Variants in MMS19 observed in about 807,000 individuals in gnomAD.
MMS19 encodes MMS19 nucleotide excision repair protein homolog.
A neutral mutation model predicts 129.8 loss-of-function variants in MMS19; 77 were observed. The observed-to-expected ratio is 0.59, with a 90% CI of 0.49 to 0.72. The LOEUF (loss-of-function observed/expected upper bound fraction) is 0.72, where lower values mean the gene tolerates loss of function less well. Among genes scored for constraint, MMS19 ranks in the 30% least tolerant of loss-of-function variants. The probability of loss-of-function intolerance (pLI) is 0.00; values close to 1 mark genes in which losing one functional copy is unlikely to be tolerated. For synonymous variants in MMS19, 491 were observed against 502.8 expected, an observed-to-expected ratio of 0.98 and a Z score of 0.31; for missense variants, 1,168 against 1,266.3, an observed-to-expected ratio of 0.92 and a Z score of 1.18.
chr10:97,483,751 C>G (rs2037308551), intron 2 of MMS19, among the ~76,000 whole-genome samples: 1 of 152,198 alleles, frequency 6.6e-6, no homozygotes, highest in African/African-American at 2.4e-5. Flanking sequence ...CAGGTCTAGG[C>G]AGGCTAGCAT....
intron 2 of MMS19, among the ~76,000 whole-genome samples, chr10:97,482,728 GTATA>G (rs368625323): frequency 3.7e-4 from 50 of 133,408 alleles, no homozygotes; most frequent in East Asian, 1.5e-3. Context: ...GTGTGTGTGT[GTATA>G]TATATACACA....
At chr10:97,470,062 C>T (rs12246457) in intron 10 of MMS19, 67 bp downstream of exon 10, 4 of 1,096,112 alleles carry the variant, frequency 3.6e-6, no homozygotes, top group Non-Finnish European at 5.5e-6. Flanking sequence ...ATCCTAGAAT[C>T]TATATCCTTT....
chr10:97,495,471 C>T (rs1457688004), intron 1 of MMS19, among the ~76,000 whole-genome samples: 1 of 152,208 alleles, frequency 6.6e-6, no homozygotes, highest in African/African-American at 2.4e-5. Flanking sequence ...GCTAGCTGGT[C>T]CCTTTAGCGC....
In MMS19 at chr10:97,463,864, T is replaced by C; in HGVS notation, c.1906A>G (p.Met636Val). 1 of 1,610,488 alleles carries C rather than the reference T, an allele frequency of 6.2e-7. No homozygotes were observed. Among genetic ancestry groups the C allele is most frequent in the African/African-American group, 1.3e-5 (1 of 74,968 alleles). ...CLLALAVQAS[M>V]PEKEPSVLRK... ...AGGAGAGGTGGAAAGTTACCTGGCATAGAGGCCTGCACAGCCAAGGCAAGC... is the reference window on the plus strand; with the variant it reads ...AGGAGAGGTGGAAAGTTACCTGGCACAGAGGCCTGCACAGCCAAGGCAAGC... The change falls in exon 19 of 31, where the codon ATG (methionine) becomes GTG (valine). Residue 636 changes from methionine to valine, a missense_variant. Met to Val is a conservative substitution (Grantham distance 21). Around this residue, in one of 3 missense-constraint regions of MMS19, gnomAD observed 831 missense variants for 910.8 expected, o/e 0.91. Coordinates refer to ENST00000438925, the MANE Select transcript of MMS19 (RefSeq NM_022362.5).
Position 97,476,973 on chromosome 10 carries a change from A to G in MMS19, c.494-10T>C. ...CCTAGGCTCTTTAGCTCTGGGAAGG[A>G]GAGAATAAGGTTACTATACTGTCCC... On this transcript the variant is annotated splice_polypyrimidine_tract_variant and intron_variant, in intron 6 of 30. Coordinates refer to ENST00000438925, the MANE Select transcript of MMS19 (RefSeq NM_022362.5). 1 of 1,613,738 alleles carries G rather than the reference A, an allele frequency of 6.2e-7. No homozygotes were observed.
rs956233298 is a variant in MMS19 at position 97,466,258 on chromosome 10, G to A, written c.1506-99C>T. 8 of 991,358 alleles carry A rather than the reference G, an allele frequency of 8.1e-6. No individual in the cohort carries two copies. The highest frequency in any genetic ancestry group is 7.7e-6 in the Non-Finnish European group (5 of 650,102). The allele number at this position is 991,358 out of a possible 1,614,324, so 61.4% of individuals were successfully genotyped here. ...AGATTCAGGAGTGTGAGCTCCCAAC[G>A]CCTCCTTGCTAAAGAGCAGAACTCA... On this transcript the variant is annotated intron_variant, in intron 16 of 30. Transcript: ENST00000438925.
chr10:97,470,572 T>C (rs911426945), intron 9 of MMS19, among the ~76,000 whole-genome samples: 4 of 152,184 alleles, frequency 2.6e-5, no homozygotes, highest in African/African-American at 9.7e-5. Context: ...TATAGGTGTG[T>C]GCCACTGAAT....
At position 97,484,271 on chromosome 10, in the gene MMS19, T is replaced by C. The variant is rs542587884; in HGVS notation, c.113-120A>G. The C allele has an allele frequency of 2.2e-5, 13 of 598,248 alleles. No individual in the cohort carries two copies. In the East Asian group the frequency reaches 3.4e-4, roughly 16 times the overall value. 37.1% of individuals were successfully genotyped at this position (598,248 alleles called of 1,614,324 possible). Reference sequence around the variant, plus strand: ...GCTTTGTACCTGGGGGCCCACTATATTTGCCAAGAGCCCTCCTAGATGAGA... The same window carrying C: ...GCTTTGTACCTGGGGGCCCACTATACTTGCCAAGAGCCCTCCTAGATGAGA... On this transcript the variant is annotated intron_variant, in intron 1 of 30. Transcript: ENST00000438925.
At chr10:97,494,759 C>T (rs2039495254) in intron 1 of MMS19, among the ~76,000 whole-genome samples, 1 of 152,218 alleles carries the variant, frequency 6.6e-6, no homozygotes, top group African/African-American at 2.4e-5. Context: ...TTCTTTTCCT[C>T]ATCCTCTGGT....
rs2035938313 is a variant in MMS19 at position 97,477,279 on chromosome 10, T to A, written c.493+68A>T. The A allele has an allele frequency of 6.2e-6, 10 of 1,612,548 alleles. No individual in the cohort carries two copies. In the Admixed American group the frequency reaches 1.7e-4, roughly 27 times the overall value. ...TCTATATAACCCCAGGTAAAATGAG[T>A]CCTACTAATAGGGGAAAAAGTAGGA... On this transcript the variant is annotated intron_variant, in intron 6 of 30. Transcript: ENST00000438925.
Position 97,498,363 on chromosome 10 carries a change from C to T in MMS19, c.22G>A (p.Glu8Lys), listed in dbSNP as rs1418433686. 6.3e-7 allele frequency: 1 copy of T among 1,575,770 alleles called. No individual in the cohort carries two copies. The highest frequency in any genetic ancestry group is 8.6e-7 in the Non-Finnish European group (1 of 1,168,586). Residue 8 changes from glutamate (E) to lysine (K), a missense_variant, in exon 1 of 31, where the codon GAG (glutamate) becomes AAG (lysine). Physicochemically the swap from Glu to Lys is moderately conservative, Grantham distance 56 (BLOSUM62 1). Transcript: ENST00000438925. ...AGGGCACCCATAGGCGCCGCCGCCT[C>T]CACAGCCGCGGCAGCGGCCATAACG... MAAAAAV[E>K]AAAPMGALWG...
intron 26 of MMS19, 23 bp from the exon 27 acceptor site, chr10:97,459,764 G>T: frequency 6.4e-7 from 1 of 1,565,048 alleles, no homozygotes; most frequent in Non-Finnish European, 8.8e-7. Context: ...GAAAGGCTTA[G>T]GGGAGAAATT....
intron 1 of MMS19, among the ~76,000 whole-genome samples, chr10:97,486,926 T>C (rs1689705015): frequency 7.8e-6 from 1 of 127,944 alleles, no homozygotes; most frequent in South Asian, 2.4e-4. Flanking sequence ...TGAAAAGGAG[T>C]AATAGAAAAT....
intron 9 of MMS19, 61 bp from the exon 10 acceptor site, chr10:97,470,264 C>T: frequency 8.5e-7 from 1 of 1,174,114 alleles, no homozygotes; most frequent in Non-Finnish European, 1.3e-6. Flanking sequence ...ACATCAAGGT[C>T]AACCCTGTCC....
At chr10:97,471,215 T>C (rs1006004287) in intron 8 of MMS19, among the ~76,000 whole-genome samples, 19 of 152,178 alleles carry the variant, frequency 1.2e-4, no homozygotes, top group Non-Finnish European at 2.8e-4. Flanking sequence ...ATTTTGTACA[T>C]GTGGTTTTTA....
intron 8 of MMS19, among the ~76,000 whole-genome samples, chr10:97,475,910 C>T (rs1209169381): frequency 6.6e-6 from 1 of 152,136 alleles, no homozygotes; most frequent in South Asian, 2.1e-4. Context: ...TTTCAGGAGA[C>T]AGGTGGTCCC....
chr10:97,461,488 C>A lies in MMS19; in HGVS notation c.2311+8G>T, dbSNP rs746361789. ...TGGGAGGCTCCTTACATAGTCTGAT[C>A]TCAGTACCTGCAGGGTGCTTGTTGA... is the stretch of plus-strand genomic sequence containing the variant. On this transcript the variant is annotated splice_region_variant and intron_variant, in intron 23 of 30. Coordinates refer to ENST00000438925, the MANE Select transcript of MMS19 (RefSeq NM_022362.5). The A allele has an allele frequency of 6.2e-7, 1 of 1,606,958 alleles. No individual in the cohort carries two copies. Among genetic ancestry groups the A allele is most frequent in the African/African-American group, 1.3e-5 (1 of 74,974 alleles).
At position 97,476,768 on chromosome 10, in the gene MMS19, G is replaced by C. The variant is rs745453529; in HGVS notation, c.623-24C>G. 3.7e-6 allele frequency: 6 copies of C among 1,613,782 alleles called. No homozygotes were observed. The South Asian group carries it at 6.6e-5, about 18-fold the overall frequency. ...TCCTGTGGCAACAGAGAAAAAATGA[G>C]GTTGGTTTATCAGCTTCACTCATCT... On this transcript the variant is annotated intron_variant, in intron 7 of 30. Transcript: ENST00000438925.
chr10:97,495,321 G>T (rs1402066674), intron 1 of MMS19, among the ~76,000 whole-genome samples: 1 of 152,144 alleles, frequency 6.6e-6, no homozygotes, highest in Non-Finnish European at 1.5e-5. Context: ...CCCTCCCATC[G>T]CCTGCAGCTT....
Sources: allele counts gnomAD v4.1 joint callset (sites outside exome capture counted in the v4.1 genomes callset), GRCh38; gene constraint gnomAD v4.1.1; regional missense constraint gnomAD v4.1.1; transcripts MANE v1.5; gene names NCBI Gene and HGNC (gene_info 2026-07-23, HGNC 2026-07-21).